The following PKD1L1 variants were observed in gnomAD, a reference collection of about 807,000 sequenced individuals.
The protein encoded by PKD1L1 is polycystin 1 like 1, transient receptor potential channel interacting, also known as polycystin-1-like protein 1.
PKD1L1 carries 236 observed loss-of-function variants against 323.4 expected under a neutral mutation model. That is an observed-to-expected ratio of 0.73 (90% CI 0.66 to 0.81). The LOEUF (loss-of-function observed/expected upper bound fraction) is 0.81, where lower values mean the gene tolerates loss of function less well. Ranked by LOEUF, PKD1L1 falls within the 40% of genes least tolerant of loss-of-function variation. The probability of loss-of-function intolerance (pLI) is 0.00; values close to 1 mark genes in which losing one functional copy is unlikely to be tolerated. For missense variants in PKD1L1, 3,320 were observed against 3,508.0 expected (o/e 0.95, Z 1.35); for synonymous variants, 1,344 against 1,335.0 (o/e 1.01, Z -0.15).
intron 28 of PKD1L1, among the ~76,000 whole-genome samples, chr7:47,855,807 C>T (rs1258039545): frequency 1.3e-5 from 1 of 76,436 alleles, no homozygotes; most frequent in African/African-American, 7.4e-5. Context: ...ACCCGGGAGG[C>T]GGAGCTTGCA....
At chr7:47,861,457 G>A (rs149557794) in intron 26 of PKD1L1, among the ~76,000 whole-genome samples, 3 of 152,304 alleles carry the variant, frequency 2.0e-5, no homozygotes, top group South Asian at 4.1e-4. Context: ...CTCCAGTTAT[G>A]GGAAAACATA....
At chr7:47,789,898 T>C (rs1786900053) in intron 56 of PKD1L1, among the ~76,000 whole-genome samples, 1 of 152,302 alleles carries the variant, frequency 6.6e-6, no homozygotes, top group South Asian at 2.1e-4. Context: ...TTATTTATTA[T>C]TTATTTTTGA....
At chr7:47,798,628 G>C (rs1409782635) in intron 54 of PKD1L1, among the ~76,000 whole-genome samples, 1 of 151,830 alleles carries the variant, frequency 6.6e-6, no homozygotes, top group African/African-American at 2.4e-5. Context: ...GGTGGCACAC[G>C]CCTGTAATCC....
In PKD1L1 at chr7:47,904,565, G is replaced by A. The variant is rs747479697; in HGVS notation, c.1744C>T (p.Pro582Ser). ...SNRMSSVVSE[P>S]HVIRVQKKIV... ...TTCTTCTGCACCCTGATGACATGGG[G>A]CTCAGAGACCACACTGCTCATCCTG... Residue 582 changes from proline (P) to serine (S), a missense_variant, in exon 12 of 57, where the codon CCC (proline) becomes TCC (serine). Physicochemically the swap from Pro to Ser is moderately conservative, Grantham distance 74 (BLOSUM62 -1). Coordinates refer to ENST00000289672, the MANE Select transcript of PKD1L1 (RefSeq NM_138295.5). The A allele has an allele frequency of 1.2e-5, 20 of 1,614,036 alleles. No individual in the cohort carries two copies. Among genetic ancestry groups the A allele is most frequent in the Non-Finnish European group, 1.7e-5 (20 of 1,180,032 alleles).
At chr7:47,874,054 G>A (rs778731988) in intron 23 of PKD1L1, 44 bp from the exon 24 acceptor site, 1 of 1,248,552 alleles carries the variant, frequency 8.0e-7, no homozygotes, top group Non-Finnish European at 1.2e-6. Context: ...GGACATGTGG[G>A]TTACAGAGAT....
intron 3 of PKD1L1, among the ~76,000 whole-genome samples, chr7:47,938,034 C>T (rs1370477712): frequency 6.6e-6 from 1 of 152,244 alleles, no homozygotes; most frequent in African/African-American, 2.4e-5. Flanking sequence ...AGAGACAACG[C>T]CCCACTGTGG....
intron 13 of PKD1L1, among the ~76,000 whole-genome samples, chr7:47,901,581 C>T (rs1490137049): frequency 1.3e-5 from 2 of 152,148 alleles, no homozygotes; most frequent in Admixed American, 6.5e-5. Flanking sequence ...CCAGAGAACG[C>T]GTTCCCCCAG....
the PKD1L1 span, among the ~76,000 whole-genome samples, chr7:47,960,573 C>G: frequency 6.6e-6 from 1 of 151,244 alleles, no homozygotes; most frequent in African/African-American, 2.4e-5. Flanking sequence ...TCAGGTTTAC[C>G]TATGGTGCTT....
intron 32 of PKD1L1, among the ~76,000 whole-genome samples, chr7:47,846,551 G>A (rs1785668832): frequency 6.6e-6 from 1 of 152,210 alleles, no homozygotes; most frequent in African/African-American, 2.4e-5. Context: ...AAAACTGACA[G>A]GTTCATCTAT....
chr7:47,940,454 C>G, intron 2 of PKD1L1, 137 bp from the exon 3 acceptor site: 1 of 782,394 alleles, frequency 1.3e-6, no homozygotes, highest in Non-Finnish European at 2.0e-6. Flanking sequence ...CATGAAGATG[C>G]GTGTCCTTGG....
At chr7:47,852,948 C>T (rs372810604) in intron 31 of PKD1L1, among the ~76,000 whole-genome samples, 179 bp downstream of exon 31, 1 of 152,070 alleles carries the variant, frequency 6.6e-6, no homozygotes, top group African/African-American at 2.4e-5. Flanking sequence ...TGGCGCTCAT[C>T]ATGGGGCAGT....
chr7:47,877,481 C>T lies in PKD1L1; in HGVS notation c.3663+8G>A, dbSNP rs371112124. The T allele has an allele frequency of 1.2e-6, 2 of 1,613,324 alleles. No individual in the cohort carries two copies. Among genetic ancestry groups the T allele is most frequent in the South Asian group, 1.1e-5 (1 of 91,016 alleles). ...TCTCTCAGGACAGACATGGGGTTGT[C>T]CACGTACCGGTTTTCCAGACATGCA... is the stretch of plus-strand genomic sequence containing the variant. On this transcript the variant is annotated splice_region_variant and intron_variant, in intron 22 of 56. Coordinates refer to ENST00000289672, the MANE Select transcript of PKD1L1 (RefSeq NM_138295.5).
In PKD1L1 at chr7:47,795,181, G is replaced by A. The variant is rs181513669; in HGVS notation, c.8355+808C>T. On this transcript the variant is annotated intron_variant, in intron 55 of 56. Coordinates refer to ENST00000289672, the MANE Select transcript of PKD1L1 (RefSeq NM_138295.5). ...AGGAGCAGAATGATATTGTTTGGCT[G>A]TGTCCCTATTCAAATCTCAACTAGA... 2.3e-3 allele frequency: 752 copies of A among 328,224 alleles called. 3 individuals carry two copies. The highest frequency in any genetic ancestry group is 7.9e-3 in the Admixed American group (189 of 23,918). 20.3% of individuals were successfully genotyped at this position (328,224 alleles called of 1,614,324 possible).
intron 8 of PKD1L1, among the ~76,000 whole-genome samples, chr7:47,910,341 T>G (rs1168744382): frequency 6.6e-6 from 1 of 151,574 alleles, no homozygotes; most frequent in African/African-American, 2.4e-5. Context: ...CTTTCTTTTT[T>G]TTTTTTTTTT....
chr7:47,805,965 G>C (rs1222732194), intron 52 of PKD1L1, among the ~76,000 whole-genome samples: 1 of 152,230 alleles, frequency 6.6e-6, no homozygotes, highest in African/African-American at 2.4e-5. Context: ...AGCTAATTGA[G>C]GAATTGGAAA....
chr7:47,947,505 T>C (rs1387176424), intron 1 of PKD1L1, among the ~76,000 whole-genome samples: 1 of 152,124 alleles, frequency 6.6e-6, no homozygotes, highest in Admixed American at 6.5e-5. Flanking sequence ...CCTTACCACA[T>C]CCCACAGGCA....
intron 32 of PKD1L1, 101 bp from the exon 33 acceptor site, chr7:47,845,179 G>T: frequency 1.1e-6 from 1 of 901,498 alleles, no homozygotes; most frequent in Non-Finnish European, 1.7e-6. Context: ...GGAAGAAAGA[G>T]TGCAATAATG....
At position 47,839,388 on chromosome 7, in the gene PKD1L1, T is replaced by C; in HGVS notation, c.5769+58A>G. 1 of 1,402,080 alleles carries C rather than the reference T, an allele frequency of 7.1e-7. No individual in the cohort carries two copies. Among genetic ancestry groups the C allele is most frequent in the Non-Finnish European group, 9.8e-7 (1 of 1,015,230 alleles). The allele number at this position is 1,402,080 out of a possible 1,614,324, so 86.9% of individuals were successfully genotyped here. ...CTGTGGCAAGCGAAGCAGAGACAGGTGCCATGCTCTGCCGGTCAGCCAGGT... is the reference window on the plus strand; with the variant it reads ...CTGTGGCAAGCGAAGCAGAGACAGGCGCCATGCTCTGCCGGTCAGCCAGGT... On this transcript the variant is annotated intron_variant, in intron 36 of 56. Coordinates refer to ENST00000289672, the MANE Select transcript of PKD1L1 (RefSeq NM_138295.5). This position sits in a 1 kb window ranked among gnomAD's most constrained non-coding sequence, Gnocchi z 4.3.
the PKD1L1 span, among the ~76,000 whole-genome samples, chr7:47,956,020 G>A: frequency 7.2e-5 from 11 of 152,274 alleles, no homozygotes; most frequent in Non-Finnish European, 8.8e-5. Flanking sequence ...TCAGCCAAAC[G>A]GAGAAGTGAA....
Sources: gnomAD v4.1 joint callset for allele counts (sites outside exome capture counted in the v4.1 genomes callset) on GRCh38, gnomAD v4.1.1 for gene constraint, Gnocchi (gnomAD v3.1) non-coding constraint, MANE v1.5 for transcripts, NCBI Gene and HGNC (gene_info 2026-07-23, HGNC 2026-07-21) for gene names.